SMAD1: variants seen among roughly 807,000 people sequenced by gnomAD.
The protein encoded by SMAD1 is MAD, mothers against decapentaplegic homolog 1.
A neutral mutation model predicts 41.6 loss-of-function variants in SMAD1; 6 were observed. That is an observed-to-expected ratio of 0.14 (90% CI 0.08 to 0.28). The LOEUF is 0.28. SMAD1 is among the 10% of genes least tolerant of loss of function. The pLI is 1.00. For missense variants in SMAD1, 379 were observed against 582.6 expected (o/e 0.65, Z 3.60); for synonymous variants, 206 against 203.2 (o/e 1.01, Z -0.12).
At chr4:145,526,171 T>A (rs1448939257) in intron 2 of SMAD1, among the ~76,000 whole-genome samples, 3 of 152,226 alleles carry the variant, frequency 2.0e-5, no homozygotes, top group African/African-American at 7.2e-5. Context: ...GTCTGGGATG[T>A]TCAGTGAGAA....
At chr4:145,506,082 C>A (rs528517122) in intron 1 of SMAD1, among the ~76,000 whole-genome samples, 1 of 151,972 alleles carries the variant, frequency 6.6e-6, no homozygotes, top group African/African-American at 2.4e-5. Flanking sequence ...GACTGGTGAT[C>A]CCCCCTCCTC....
At position 145,542,625 on chromosome 4, in the gene SMAD1, G is replaced by A. The variant is rs1404877778; in HGVS notation, c.702G>A (p.Met234Ile). The stretch of plus-strand genomic sequence containing the variant: ...CTTACCTGCCTCCTGAAGACCCCAT[G>A]ACCCAGGATGGCTCTCAGCCGATGG... Reference protein sequence around the residue: ...PPAYLPPEDPMTQDGSQPMDT... With the variant: ...PPAYLPPEDPITQDGSQPMDT... Residue 234 changes from methionine (M) to isoleucine (I), a missense_variant, in exon 4 of 7, where the codon ATG (methionine) becomes ATA (isoleucine). Coordinates refer to ENST00000302085, the MANE Select transcript of SMAD1 (RefSeq NM_005900.3). The A allele has an allele frequency of 6.2e-7, 1 of 1,613,296 alleles. No individual in the cohort carries two copies. Among genetic ancestry groups the A allele is most frequent in the Non-Finnish European group, 8.5e-7 (1 of 1,179,732 alleles).
chr4:145,527,387 C>T (rs529819456), intron 2 of SMAD1, among the ~76,000 whole-genome samples: 3 of 151,964 alleles, frequency 2.0e-5, no homozygotes, highest in Non-Finnish European at 2.9e-5. Flanking sequence ...CTACGCCCAG[C>T]CAATTTTTTG....
At chr4:145,542,550 G>T in intron 3 of SMAD1, 32 bp from the exon 4 acceptor site, 1 of 1,343,810 alleles carries the variant, frequency 7.4e-7, no homozygotes, top group Non-Finnish European at 1.1e-6. Flanking sequence ...TTTACTAAGG[G>T]TTAAGAAATA....
At chr4:145,484,995 A>G (rs1045676535) in intron 1 of SMAD1, among the ~76,000 whole-genome samples, 6 of 152,210 alleles carry the variant, frequency 3.9e-5, no homozygotes, top group Admixed American at 6.5e-5. Context: ...GTTTCTGACA[A>G]TCCTTATTTA....
At chr4:145,487,808 G>C (rs910433256) in intron 1 of SMAD1, among the ~76,000 whole-genome samples, 1 of 152,182 alleles carries the variant, frequency 6.6e-6, no homozygotes, top group Admixed American at 6.5e-5. Flanking sequence ...GCTATTGCGG[G>C]CTGACTTGCA....
chr4:145,538,593 G>A (rs990837723), intron 2 of SMAD1, among the ~76,000 whole-genome samples: 10 of 152,154 alleles, frequency 6.6e-5, no homozygotes, highest in Admixed American at 2.6e-4. Context: ...TATAAATTAT[G>A]CATAGATTCC....
intron 1 of SMAD1, among the ~76,000 whole-genome samples, chr4:145,492,195 A>G (rs993823926): frequency 1.3e-5 from 2 of 152,102 alleles, no homozygotes; most frequent in Non-Finnish European, 2.9e-5. Flanking sequence ...CTACACACCA[A>G]ACACTGGCTG....
At chr4:145,533,937 C>G (rs770253732) in intron 2 of SMAD1, among the ~76,000 whole-genome samples, 1 of 152,064 alleles carries the variant, frequency 6.6e-6, no homozygotes, top group Non-Finnish European at 1.5e-5. Flanking sequence ...ACCCCAAGCA[C>G]CATAGAATAT....
intron 4 of SMAD1, chr4:145,546,419 A>T (rs991178996): frequency 4.6e-5 from 19 of 409,844 alleles, no homozygotes; most frequent in Non-Finnish European, 7.6e-5. Flanking sequence ...CATATTGTTA[A>T]TATTCAGCAA....
intron 2 of SMAD1, among the ~76,000 whole-genome samples, chr4:145,516,857 C>G (rs1730425491): frequency 6.6e-6 from 1 of 152,130 alleles, no homozygotes; most frequent in Non-Finnish European, 1.5e-5. Flanking sequence ...GATTTTAATT[C>G]TACTCCATAT....
intron 2 of SMAD1, among the ~76,000 whole-genome samples, chr4:145,518,217 T>C (rs1730529944): frequency 1.6e-5 from 2 of 125,964 alleles, no homozygotes; most frequent in African/African-American, 5.1e-5. Flanking sequence ...CAGCACACTA[T>C]GATCATGCCT....
chr4:145,517,282 C>G (rs1351865384), intron 2 of SMAD1, among the ~76,000 whole-genome samples: 7 of 152,174 alleles, frequency 4.6e-5, no homozygotes, highest in African/African-American at 1.7e-4. Context: ...CCTGTTTCTC[C>G]TCCCTCTTTG....
intron 2 of SMAD1, among the ~76,000 whole-genome samples, chr4:145,539,520 T>G (rs1284539102): frequency 6.6e-6 from 1 of 152,214 alleles, no homozygotes; most frequent in African/African-American, 2.4e-5. Flanking sequence ...ACCTTAACAT[T>G]TTTAACCTAA....
At chr4:145,487,732 T>A (rs1728551150) in intron 1 of SMAD1, among the ~76,000 whole-genome samples, 1 of 152,204 alleles carries the variant, frequency 6.6e-6, no homozygotes, top group South Asian at 2.1e-4. Flanking sequence ...TTGCTCTGCG[T>A]TATTAAGATG....
At chr4:145,494,349 TG>T (rs1374976896) in intron 1 of SMAD1, among the ~76,000 whole-genome samples, 1 of 152,208 alleles carries the variant, frequency 6.6e-6, no homozygotes, top group African/African-American at 2.4e-5. Context: ...TTGATAAAGT[TG>T]GGGGTAAGGA....
At chr4:145,485,099 C>G (rs1395776818) in intron 1 of SMAD1, among the ~76,000 whole-genome samples, 5 of 152,160 alleles carry the variant, frequency 3.3e-5, no homozygotes, top group Admixed American at 6.5e-5. Flanking sequence ...GACAGGGTCT[C>G]TCTGTGTTAC....
At chr4:145,508,141 T>C (rs1015321898) in intron 1 of SMAD1, among the ~76,000 whole-genome samples, 33 of 151,904 alleles carry the variant, frequency 2.2e-4, no homozygotes, top group African/African-American at 7.5e-4. Context: ...GATATTACCT[T>C]AGTTGTCTTT....
intron 1 of SMAD1, among the ~76,000 whole-genome samples, chr4:145,494,803 CTG>C (rs1728975358): frequency 6.6e-6 from 1 of 152,184 alleles, no homozygotes; most frequent in Non-Finnish European, 1.5e-5. Flanking sequence ...CTTTTATACT[CTG>C]TAGCACCCAG....
Sources: allele counts gnomAD v4.1 joint callset (sites outside exome capture counted in the v4.1 genomes callset), GRCh38; gene constraint gnomAD v4.1.1; transcripts MANE v1.5; gene names NCBI Gene and HGNC (gene_info 2026-07-23, HGNC 2026-07-21).